The following GUCY1A1 variants were observed in gnomAD, a reference collection of about 807,000 sequenced individuals.
The protein encoded by GUCY1A1 is guanylate cyclase soluble subunit alpha-1.
A neutral mutation model predicts 64.5 loss-of-function variants in GUCY1A1; 48 were observed. That is an observed-to-expected ratio of 0.74 (90% CI 0.59 to 0.95). GUCY1A1 has a LOEUF of 0.95. GUCY1A1 is among the 40% of genes least tolerant of loss of function. The pLI is 0.00. For synonymous variants in GUCY1A1, 308 were observed against 303.4 expected (o/e 1.02, Z -0.16); for missense variants, 804 against 825.3 (o/e 0.97, Z 0.32).
At position 155,713,587 on chromosome 4, in the gene GUCY1A1, G is replaced by C; in HGVS notation, c.1572+4G>C. On this transcript the variant is annotated splice_donor_region_variant and intron_variant, in intron 7 of 9. Coordinates refer to ENST00000506455, the MANE Select transcript of GUCY1A1 (RefSeq NM_001130682.3). ...TGGAGAGCTGGATGTCTACAAGGTA[G>C]GAGTGGACCAGGGAAATAATTGTTT... is the stretch of plus-strand genomic sequence containing the variant. The C allele has an allele frequency of 1.9e-6, 3 of 1,607,054 alleles. No homozygotes were observed. The highest frequency in any genetic ancestry group is 2.6e-6 in the Non-Finnish European group (3 of 1,174,236).
chr4:155,693,863 T>C (rs1240145629), intron 2 of GUCY1A1, among the ~76,000 whole-genome samples: 1 of 152,172 alleles, frequency 6.6e-6, no homozygotes, highest in African/African-American at 2.4e-5. Flanking sequence ...AATTAAAATA[T>C]TGGGCTTGGG....
chr4:155,673,824 T>C (rs1578993183), intron 2 of GUCY1A1, among the ~76,000 whole-genome samples: 1 of 151,318 alleles, frequency 6.6e-6, no homozygotes, highest in South Asian at 2.1e-4. Flanking sequence ...GATCTCAAAC[T>C]AAGCTCTGCT....
chr4:155,691,012 A>G (rs1729667886), intron 2 of GUCY1A1, among the ~76,000 whole-genome samples: 1 of 152,234 alleles, frequency 6.6e-6, no homozygotes, highest in South Asian at 2.1e-4. Context: ...CAAAATTATT[A>G]AAAAGAAAAT....
At chr4:155,677,235 G>A (rs1427419627) in intron 2 of GUCY1A1, among the ~76,000 whole-genome samples, 2 of 152,188 alleles carry the variant, frequency 1.3e-5, no homozygotes, top group East Asian at 3.8e-4. Flanking sequence ...ATTAGGTAAT[G>A]TGATTATAAG....
chr4:155,673,500 G>T (rs566791195), intron 2 of GUCY1A1, among the ~76,000 whole-genome samples: 1 of 151,674 alleles, frequency 6.6e-6, no homozygotes, highest in East Asian at 1.9e-4. Context: ...CTAAGACTTA[G>T]CTGAGGTTTT....
chr4:155,690,276 C>T (rs1307428686), intron 2 of GUCY1A1, among the ~76,000 whole-genome samples: 1 of 152,050 alleles, frequency 6.6e-6, no homozygotes, highest in Non-Finnish European at 1.5e-5. Context: ...GCTTTGGTCC[C>T]CACACCCAGT....
chr4:155,669,202 A>G (rs886179230), intron 2 of GUCY1A1, among the ~76,000 whole-genome samples: 2 of 152,172 alleles, frequency 1.3e-5, no homozygotes, highest in Admixed American at 6.5e-5. Context: ...GAACGTATTT[A>G]GTAGAAATTT....
At position 155,713,580 on chromosome 4, in the gene GUCY1A1, C is replaced by T. The variant is rs749267951; in HGVS notation, c.1569C>T (p.Tyr523=). Residue 523 remains tyrosine (Y), a synonymous_variant, in exon 7 of 10, where the codon TAC becomes TAT. Coordinates refer to ENST00000506455, the MANE Select transcript of GUCY1A1 (RefSeq NM_001130682.3). ...FDQQCGELDV[Y]KVETIGDAYC... Reference sequence around the variant, plus strand: ...AGCAGTGTGGAGAGCTGGATGTCTACAAGGTAGGAGTGGACCAGGGAAATA... The same window carrying T: ...AGCAGTGTGGAGAGCTGGATGTCTATAAGGTAGGAGTGGACCAGGGAAATA... 6.2e-7 allele frequency: 1 copy of T among 1,611,532 alleles called. No homozygotes were observed. The highest frequency in any genetic ancestry group is 8.5e-7 in the Non-Finnish European group (1 of 1,178,034).
chr4:155,714,613 G>T (rs1389248690), intron 7 of GUCY1A1, among the ~76,000 whole-genome samples: 2 of 152,158 alleles, frequency 1.3e-5, no homozygotes, highest in Non-Finnish European at 2.9e-5. Flanking sequence ...TTCTGAACTT[G>T]CCACATAACA....
chr4:155,699,692 TG>T (rs1459603413), intron 3 of GUCY1A1, among the ~76,000 whole-genome samples: 2 of 152,214 alleles, frequency 1.3e-5, no homozygotes, highest in African/African-American at 2.4e-5. Flanking sequence ...ATACTTGTTA[TG>T]TTTTTTTACT....
At chr4:155,671,545 C>G (rs1734143084) in intron 2 of GUCY1A1, among the ~76,000 whole-genome samples, 1 of 152,044 alleles carries the variant, frequency 6.6e-6, no homozygotes, top group South Asian at 2.1e-4. Flanking sequence ...CTAGTCTGCC[C>G]AGATTATCTC....
intron 2 of GUCY1A1, among the ~76,000 whole-genome samples, chr4:155,689,922 T>G (rs2126683039): frequency 6.6e-6 from 1 of 152,250 alleles, no homozygotes; most frequent in South Asian, 2.1e-4. Flanking sequence ...AGCATCCTCC[T>G]CTTTAAAAAT....
chr4:155,699,424 A>T (rs2126762090), intron 3 of GUCY1A1, among the ~76,000 whole-genome samples: 1 of 152,296 alleles, frequency 6.6e-6, no homozygotes, highest in East Asian at 1.9e-4. Flanking sequence ...CCAAATTAAA[A>T]TTGTATATAA....
intron 4 of GUCY1A1, among the ~76,000 whole-genome samples, chr4:155,705,719 T>C (rs1274688959): frequency 6.6e-6 from 1 of 152,196 alleles, no homozygotes; most frequent in Admixed American, 6.5e-5. Context: ...ATCTGTCTCC[T>C]ACTCATGAGT....
chr4:155,712,961 C>T, intron 6 of GUCY1A1, 137 bp from the exon 7 acceptor site: 1 of 675,422 alleles, frequency 1.5e-6, no homozygotes, highest in Non-Finnish European at 2.5e-6. Flanking sequence ...AAAATAGGAA[C>T]TATAAGAAAG....
chr4:155,695,092 G>A (rs1253951593), intron 2 of GUCY1A1, among the ~76,000 whole-genome samples: 3 of 152,122 alleles, frequency 2.0e-5, no homozygotes, highest in Non-Finnish European at 4.4e-5. Context: ...TTATATATGA[G>A]CATAGATTTT....
At chr4:155,705,874 T>C (rs975512397) in intron 4 of GUCY1A1, among the ~76,000 whole-genome samples, 5 of 152,122 alleles carry the variant, frequency 3.3e-5, no homozygotes, top group African/African-American at 1.2e-4. Flanking sequence ...GACAGAAGCT[T>C]TGTTTACACG....
At chr4:155,694,368 C>A (rs1397169474) in intron 2 of GUCY1A1, among the ~76,000 whole-genome samples, 4 of 152,098 alleles carry the variant, frequency 2.6e-5, no homozygotes, top group Non-Finnish European at 5.9e-5. Context: ...CATAGTGAGA[C>A]CTTTTCTCTA....
chr4:155,689,873 T>A (rs776398458), intron 2 of GUCY1A1, among the ~76,000 whole-genome samples: 5 of 152,164 alleles, frequency 3.3e-5, no homozygotes, highest in African/African-American at 4.8e-5. Context: ...TTTGGGAGAA[T>A]CATCAGTATG....
Sources: allele counts gnomAD v4.1 joint callset (sites outside exome capture counted in the v4.1 genomes callset), GRCh38; gene constraint gnomAD v4.1.1; transcripts MANE v1.5; gene names NCBI Gene and HGNC (gene_info 2026-07-23, HGNC 2026-07-21).